Variants in TDRD10 observed in about 807,000 individuals in gnomAD.
TDRD10 encodes the protein tudor domain containing 10, also known as tudor domain-containing protein 10.
TDRD10 carries 40 observed loss-of-function variants against 48.0 expected under a neutral mutation model. The ratio of observed to expected loss-of-function variants is 0.83; its 90% CI spans 0.65 to 1.09. The LOEUF (loss-of-function observed/expected upper bound fraction) is 1.09. TDRD10 is among the 50% of genes least tolerant of loss of function. The pLI, the probability that TDRD10 is intolerant of heterozygous loss-of-function variation, is 0.00. For synonymous variants in TDRD10, 162 were observed against 170.4 expected (o/e 0.95, Z 0.38); for missense variants, 378 against 434.7 (o/e 0.87, Z 1.16).
chr1:154,516,911 C>T (rs1263529182), intron 4 of TDRD10, among the ~76,000 whole-genome samples: 1 of 152,094 alleles, frequency 6.6e-6, no homozygotes, highest in Non-Finnish European at 1.5e-5. Flanking sequence ...CATGCCACTG[C>T]ACTCCAGCCT....
chr1:154,524,079 A>G (rs1357857011), intron 6 of TDRD10, among the ~76,000 whole-genome samples: 3 of 152,146 alleles, frequency 2.0e-5, no homozygotes, highest in Admixed American at 2.0e-4. Context: ...ATTTTCTGCT[A>G]ATTCCAACAT....
chr1:154,508,434 A>T lies in TDRD10; in HGVS notation c.94A>T (p.Arg32Ter). The change falls in exon 4 of 13, where the codon AGA (arginine) becomes TGA (stop). Residue 32 changes from arginine to a stop codon, truncating the protein, a stop_gained. Transcript: ENST00000368482. LOFTEE classifies it high-confidence loss of function. ...EEQKSPGFKK[R>*]ETEVYVGNLP... ...GTTTTTCTTCTTAGGATTCAAGAAA[A>T]GAGAGACAGAGGTGTATGTTGGCAA... 6.2e-7 allele frequency: 1 copy of T among 1,609,230 alleles called. No homozygotes were observed. The highest frequency in any genetic ancestry group is 8.5e-7 in the Non-Finnish European group (1 of 1,175,538).
intron 5 of TDRD10, 94 bp from the exon 6 acceptor site, chr1:154,521,229 C>G: frequency 8.0e-7 from 1 of 1,244,360 alleles, no homozygotes; most frequent in Non-Finnish European, 1.2e-6. Flanking sequence ...AGAGAAAGGA[C>G]ACTGGCCTTC....
intron 12 of TDRD10, 51 bp downstream of exon 12, chr1:154,547,530 G>A: frequency 1.2e-6 from 2 of 1,614,184 alleles, no homozygotes; most frequent in Non-Finnish European, 1.7e-6. Context: ...TCCTGCCCTT[G>A]GGGTGTCTGC....
intron 6 of TDRD10, among the ~76,000 whole-genome samples, chr1:154,524,840 C>G (rs979751917): frequency 2.0e-4 from 30 of 152,182 alleles, no homozygotes; most frequent in African/African-American, 7.0e-4. Context: ...CGACTGTTCT[C>G]TTTAAGGCCT....
chr1:154,546,441 GTAATATA>G (rs1557840828), intron 11 of TDRD10, among the ~76,000 whole-genome samples: 1 of 139,202 alleles, frequency 7.2e-6, no homozygotes, highest in African/African-American at 2.6e-5. Context: ...TATATATCAC[GTAATATA>G]TATTATATAT....
At chr1:154,540,507 CAA>C (rs57375022) in intron 6 of TDRD10, among the ~76,000 whole-genome samples, 1 of 109,146 alleles carries the variant, frequency 9.2e-6, no homozygotes, top group African/African-American at 4.4e-5. Flanking sequence ...CCCATCTCTA[CAA>C]AAAAAAAAAA....
At chr1:154,536,261 A>G (rs187744568) in intron 6 of TDRD10, among the ~76,000 whole-genome samples, 1 of 152,306 alleles carries the variant, frequency 6.6e-6, no homozygotes, top group Admixed American at 6.5e-5. Context: ...CTGTAATCCT[A>G]GCTACTCAGG....
chr1:154,509,781 C>A lies in TDRD10; in HGVS notation c.141+1300C>A, dbSNP rs370722913. The A allele has an allele frequency of 4.1e-6, 4 of 985,120 alleles. No individual in the cohort carries two copies. The South Asian group carries it at 1.9e-4, about 46-fold the overall frequency. 61.0% of individuals were successfully genotyped at this position (985,120 alleles called of 1,614,324 possible). A position where few individuals can be genotyped will look rare whatever the true frequency, so the allele number is the denominator to read the frequency against. On this transcript the variant is annotated intron_variant, in intron 4 of 12. Coordinates refer to ENST00000368482, the MANE Select transcript of TDRD10 (RefSeq NM_182499.4). The stretch of plus-strand genomic sequence containing the variant: ...CGAGCCTACTAGGGCTGGTTTTCCT[C>A]CCCCATTTTGGCAGGCTGGTCCAAC...
At chr1:154,514,564 A>G (rs1452877098) in intron 4 of TDRD10, among the ~76,000 whole-genome samples, 2 of 152,140 alleles carry the variant, frequency 1.3e-5, no homozygotes, top group African/African-American at 2.4e-5. Flanking sequence ...GAATTATTTT[A>G]TAACAAAAAG....
chr1:154,530,460 G>A (rs1694558609), intron 6 of TDRD10, among the ~76,000 whole-genome samples: 2 of 148,816 alleles, frequency 1.3e-5, no homozygotes, highest in Middle Eastern at 3.5e-3. Context: ...AACAGAGGTG[G>A]GGTTTCACCA....
Position 154,528,364 on chromosome 1 carries a change from C to G in TDRD10, c.369+6885C>G, listed in dbSNP as rs187587446. On this transcript the variant is annotated intron_variant, in intron 6 of 12. Coordinates refer to ENST00000368482, the MANE Select transcript of TDRD10 (RefSeq NM_182499.4). Reference sequence around the variant, plus strand: ...TCAGCCTCCCTAGTAGCTGGGACTACAGGCGTGCACCACCACGCGCAGCAA... The same window carrying G: ...TCAGCCTCCCTAGTAGCTGGGACTAGAGGCGTGCACCACCACGCGCAGCAA... Among the ~76,000 whole-genome samples, 265 of 152,046 alleles carry G rather than the reference C, an allele frequency of 1.7e-3. 1 individual carries two copies. Among genetic ancestry groups the G allele is most frequent in the Admixed American group, 3.0e-3 (46 of 15,276 alleles).
chr1:154,538,170 A>G (rs1695023230), intron 6 of TDRD10, among the ~76,000 whole-genome samples: 1 of 152,240 alleles, frequency 6.6e-6, no homozygotes. Context: ...TAGACCAAAA[A>G]TGATGTGAAA....
In TDRD10 at chr1:154,502,254, C is replaced by G. The variant is rs535323982; in HGVS notation, c.-803C>G. The G allele has an allele frequency of 1.3e-4, 31 of 240,812 alleles. No homozygotes were observed. The East Asian group carries it at 2.5e-3, about 19-fold the overall frequency. The allele number at this position is 240,812 out of a possible 1,614,324, so 14.9% of individuals were successfully genotyped here. A position where few individuals can be genotyped will look rare whatever the true frequency, so the allele number is the denominator to read the frequency against. Reference sequence around the variant, plus strand: ...CCTGCCCGGCCCGAGGACACCGTGGCTCTCGGAGGCGGCGGGCGCCGGGGG... The same window carrying G: ...CCTGCCCGGCCCGAGGACACCGTGGGTCTCGGAGGCGGCGGGCGCCGGGGG... On this transcript the variant is annotated 5_prime_UTR_variant, in exon 1 of 13. Transcript: ENST00000368482.
At chr1:154,518,705 G>A (rs986893896) in intron 4 of TDRD10, among the ~76,000 whole-genome samples, 1 of 152,078 alleles carries the variant, frequency 6.6e-6, no homozygotes, top group Admixed American at 6.6e-5. Flanking sequence ...CTGGGATTAC[G>A]GGCAGGTGAG....
intron 6 of TDRD10, among the ~76,000 whole-genome samples, chr1:154,537,727 A>G (rs1275116695): frequency 6.6e-6 from 1 of 152,140 alleles, no homozygotes; most frequent in East Asian, 1.9e-4. Context: ...CCCACCTCCA[A>G]GCCTTCTGGC....
intron 4 of TDRD10, among the ~76,000 whole-genome samples, chr1:154,512,817 A>G (rs1693555471): frequency 6.6e-6 from 1 of 152,208 alleles, no homozygotes. Flanking sequence ...CTGTTATACC[A>G]GAAAGCTATC....
intron 3 of TDRD10, among the ~76,000 whole-genome samples, chr1:154,508,219 T>A (rs1346806890): frequency 6.6e-6 from 1 of 152,132 alleles, no homozygotes; most frequent in African/African-American, 2.4e-5. Context: ...ATTTTAACAT[T>A]GAAGAAAAAG....
intron 6 of TDRD10, among the ~76,000 whole-genome samples, chr1:154,524,796 G>C (rs1203982960): frequency 1.3e-5 from 2 of 152,064 alleles, no homozygotes; most frequent in Non-Finnish European, 2.9e-5. Context: ...TGGCATCTGT[G>C]TCTCTCTCAG....
Sources: gnomAD v4.1 joint callset for allele counts (sites outside exome capture counted in the v4.1 genomes callset) on GRCh38, gnomAD v4.1.1 for gene constraint, MANE v1.5 for transcripts, NCBI Gene and HGNC (gene_info 2026-07-23, HGNC 2026-07-21) for gene names.